The following DNAH8 variants were observed in gnomAD, a reference collection of about 807,000 sequenced individuals.
DNAH8 encodes the protein axonemal beta dynein heavy chain 8.
In DNAH8, 382 loss-of-function variants were observed where a neutral mutation model predicts 562.1. The ratio of observed to expected loss-of-function variants is 0.68; its 90% CI spans 0.63 to 0.74. The LOEUF is 0.74. DNAH8 is among the 30% of genes least tolerant of loss of function. DNAH8 has a pLI of 0.00. For synonymous variants in DNAH8, 1,881 were observed against 1,919.4 expected (o/e 0.98, Z 0.52); for missense variants, 5,203 against 5,620.4 (o/e 0.93, Z 2.37).
chr6:38,896,950 T>A (rs548858388), intron 60 of DNAH8, among the ~76,000 whole-genome samples: 8 of 152,246 alleles, frequency 5.3e-5, no homozygotes, highest in African/African-American at 1.9e-4. Context: ...CATGCCTGGC[T>A]AATTTTTTGT....
chr6:38,986,491 TTAAAA>T (rs1158485786), intron 87 of DNAH8, among the ~76,000 whole-genome samples: 1 of 151,642 alleles, frequency 6.6e-6, no homozygotes, highest in Non-Finnish European at 1.5e-5. Context: ...TGGGGAAAAA[TTAAAA>T]TAAAAGGGGC....
chr6:38,917,149 TC>T, intron 68 of DNAH8, 89 bp from the exon 69 acceptor site: 1 of 924,600 alleles, frequency 1.1e-6, no homozygotes, highest in Non-Finnish European at 1.5e-6. Flanking sequence ...TTTAAAGTTT[TC>T]TATCTTAATT....
At chr6:38,934,683 A>G (rs1032116753) in intron 76 of DNAH8, among the ~76,000 whole-genome samples, 2 of 152,332 alleles carry the variant, frequency 1.3e-5, no homozygotes, top group Admixed American at 1.3e-4. Flanking sequence ...TATCAGTGAT[A>G]CTGACACATC....
chr6:38,737,721 C>T (rs986761290), intron 6 of DNAH8, 88 bp from the exon 7 acceptor site: 4 of 556,778 alleles, frequency 7.2e-6, no homozygotes, highest in African/African-American at 6.1e-5. Context: ...ATACTTCTTA[C>T]TATTAAATAT....
chr6:39,010,780 TACAC>T (rs57647007), intron 89 of DNAH8, among the ~76,000 whole-genome samples: 4 of 144,940 alleles, frequency 2.8e-5, no homozygotes, highest in African/African-American at 7.8e-5. Flanking sequence ...TATATATATA[TACAC>T]ACACACGCAC....
chr6:38,937,129 T>C (rs774936788), intron 77 of DNAH8, among the ~76,000 whole-genome samples: 8 of 152,008 alleles, frequency 5.3e-5, no homozygotes, highest in Non-Finnish European at 1.0e-4. Flanking sequence ...CCGCATGTTC[T>C]CACTCATAAG....
At chr6:39,018,904 T>C (rs1350727125) in intron 91 of DNAH8, among the ~76,000 whole-genome samples, 1 of 152,018 alleles carries the variant, frequency 6.6e-6, no homozygotes, top group East Asian at 1.9e-4. Flanking sequence ...GGTGGGGAGG[T>C]ACAGGAGTCT....
rs1223799853 is a variant in DNAH8 at position 38,906,363 on chromosome 6, G to T, written c.9304G>T (p.Glu3102Ter). 5.0e-6 allele frequency: 8 copies of T among 1,610,744 alleles called. No homozygotes were observed. The East Asian group carries it at 1.8e-4, about 36-fold the overall frequency. ...CTTTACTGACAGTGAAATAAAAGAT[G>T]AGGCATTTCTAGAATACCTTAACAA... ...FIFTDSEIKDEAFLEYLNNLL... is the reference protein window; with the variant it reads ...FIFTDSEIKD Residue 3102 changes from glutamate (E) to a stop codon, truncating the protein, a stop_gained, in exon 63 of 93, where the codon GAG becomes TAG. Coordinates refer to ENST00000327475, the MANE Select transcript of DNAH8 (RefSeq NM_001206927.2). LOFTEE classifies it high-confidence loss of function.
chr6:38,995,059 C>CT (rs149324423), intron 88 of DNAH8, among the ~76,000 whole-genome samples: 36,095 of 138,638 alleles, frequency 0.26, 5,483 homozygotes, highest in Non-Finnish European at 0.35. Flanking sequence ...CCTCATTGCT[C>CT]TTTTTTTTTT....
intron 33 of DNAH8, among the ~76,000 whole-genome samples, chr6:38,840,423 T>C (rs958660513): frequency 5.3e-5 from 8 of 152,242 alleles, no homozygotes; most frequent in Admixed American, 4.6e-4. Flanking sequence ...ATACAACTTA[T>C]GTAAATATAA....
Position 38,729,930 on chromosome 6 carries a change from A to G in DNAH8, c.554A>G (p.Lys185Arg). The G allele has an allele frequency of 6.3e-7, 1 of 1,597,582 alleles. No homozygotes were observed. The highest frequency in any genetic ancestry group is 2.2e-5 in the East Asian group (1 of 44,678). Residue 185 changes from lysine to arginine, a missense_variant, in exon 4 of 93, where the codon AAA becomes AGA. By Grantham distance (26) the Lys-to-Arg change is conservative. Around this residue, in one of 6 missense-constraint regions of DNAH8, gnomAD observed 556 missense variants for 496.9 expected, o/e 1.12. Coordinates refer to ENST00000327475, the MANE Select transcript of DNAH8 (RefSeq NM_001206927.2). Reference protein sequence around the residue: ...SLEAFTNFFAKDGCKTLKFLY... With the variant: ...SLEAFTNFFARDGCKTLKFLY... ...GAAGCATTTACTAATTTTTTTGCGA[A>G]AGATGGTTGTAAGACACTGAAATTT...
At chr6:38,958,929 A>G (rs1762442111) in intron 82 of DNAH8, among the ~76,000 whole-genome samples, 1 of 152,200 alleles carries the variant, frequency 6.6e-6, no homozygotes, top group Non-Finnish European at 1.5e-5. Flanking sequence ...CAGTGCTCCG[A>G]AAGATCATTC....
chr6:38,864,098 A>G (rs747442051), intron 45 of DNAH8, 38 bp downstream of exon 45: 2 of 1,573,370 alleles, frequency 1.3e-6, no homozygotes, highest in Admixed American at 1.8e-5. Flanking sequence ...TAATTAGTTT[A>G]ATTGTTACAG....
chr6:38,743,783 G>T (rs1764708155), intron 8 of DNAH8, among the ~76,000 whole-genome samples: 1 of 152,012 alleles, frequency 6.6e-6, no homozygotes, highest in Admixed American at 6.6e-5. Context: ...TGGACATTTG[G>T]GTTGTCCCTG....
chr6:38,946,602 A>T (rs1336855414), intron 80 of DNAH8, among the ~76,000 whole-genome samples: 1 of 152,186 alleles, frequency 6.6e-6, no homozygotes, highest in Admixed American at 6.5e-5. Flanking sequence ...CGAGGTCAGG[A>T]GTTTGAGACC....
In DNAH8 at chr6:38,853,329, C is replaced by T. The variant is rs1448516010; in HGVS notation, c.5715C>T (p.Leu1905=). 2 of 1,613,210 alleles carry T rather than the reference C, an allele frequency of 1.2e-6. No homozygotes were observed. The highest frequency in any genetic ancestry group is 1.7e-6 in the Non-Finnish European group (2 of 1,179,682). ...CAGGATTTCAACTCTTACCATTCCT[C>T]AGCCACTTTCCAGCACAGGTGAGAA... is the stretch of plus-strand genomic sequence containing the variant. The part of the protein sequence containing the change: ...SDSGFQLLPF[L]SHFPAQVGLL... Residue 1905 remains leucine, a synonymous_variant, in exon 41 of 93, where the codon CTC becomes CTT. Coordinates refer to ENST00000327475, the MANE Select transcript of DNAH8 (RefSeq NM_001206927.2).
chr6:38,802,307 C>T (rs757296046), intron 21 of DNAH8, among the ~76,000 whole-genome samples: 12 of 151,302 alleles, frequency 7.9e-5, no homozygotes, highest in Non-Finnish European at 1.5e-5. Context: ...TGCAGTGGCG[C>T]GATCATGGCT....
chr6:38,803,896 A>G (rs961252413), intron 22 of DNAH8, among the ~76,000 whole-genome samples: 11 of 152,204 alleles, frequency 7.2e-5, no homozygotes, highest in African/African-American at 2.7e-4. Flanking sequence ...AAAACATGAT[A>G]TGGAAGCATG....
intron 82 of DNAH8, among the ~76,000 whole-genome samples, chr6:38,967,287 A>G (rs1233084356): frequency 6.6e-6 from 1 of 152,068 alleles, no homozygotes; most frequent in Non-Finnish European, 1.5e-5. Flanking sequence ...AGATAGGGCA[A>G]TCAGACCAGG....
Sources: gnomAD v4.1 joint callset for allele counts (sites outside exome capture counted in the v4.1 genomes callset) on GRCh38, gnomAD v4.1.1 for gene constraint, gnomAD v4.1.1 regional missense constraint, MANE v1.5 for transcripts, NCBI Gene and HGNC (gene_info 2026-07-23, HGNC 2026-07-21) for gene names.